Variants in APCDD1L observed in about 807,000 individuals in gnomAD.
The protein encoded by APCDD1L is APC down-regulated 1 like.
APCDD1L carries 21 observed loss-of-function variants against 24.2 expected under a neutral mutation model. That is an observed-to-expected ratio of 0.87 (90% CI 0.61 to 1.25). The LOEUF (loss-of-function observed/expected upper bound fraction) is 1.25, where lower values mean the gene tolerates loss of function less well. Ranked by LOEUF, APCDD1L falls within the 50% of genes most tolerant of loss-of-function variation. The probability of loss-of-function intolerance (pLI) is 0.00; values close to 1 mark genes in which losing one functional copy is unlikely to be tolerated. For missense variants in APCDD1L, 704 were observed against 711.7 expected (o/e 0.99, Z 0.12); for synonymous variants, 321 against 323.6 (o/e 0.99, Z 0.09).
At chr20:58,504,713 C>A (rs1990501565) in intron 1 of APCDD1L, among the ~76,000 whole-genome samples, 2 of 152,180 alleles carry the variant, frequency 1.3e-5, no homozygotes, top group Non-Finnish European at 1.5e-5. Flanking sequence ...TGGCAAGCAC[C>A]TCTCCTCACA....
chr20:58,503,267 T>A (rs755521478), intron 1 of APCDD1L, among the ~76,000 whole-genome samples: 3 of 152,210 alleles, frequency 2.0e-5, no homozygotes, highest in African/African-American at 7.2e-5. Flanking sequence ...CAAATCCAAA[T>A]GCTGATCATC....
At position 58,465,121 on chromosome 20, in the gene APCDD1L, T is replaced by C. The variant is rs1989683179; in HGVS notation, c.741+1985A>G. 1.3e-5 allele frequency among the ~76,000 whole-genome samples: 2 copies of C among 152,106 alleles called. 1 individual carries two copies. The highest frequency in any genetic ancestry group is 1.3e-4 in the Admixed American group (2 of 15,280). On this transcript the variant is annotated intron_variant, in intron 3 of 3. Coordinates refer to ENST00000371149, the MANE Select transcript of APCDD1L (RefSeq NM_153360.3). ...TGTCCTCTCTGCATTCAGAGCAGTT[T>C]CCCCTCCTAATGAGGTGGTGGTGGC...
intron 3 of APCDD1L, among the ~76,000 whole-genome samples, chr20:58,464,760 G>A (rs912885496): frequency 3.3e-5 from 5 of 152,094 alleles, no homozygotes; most frequent in African/African-American, 1.2e-4. Flanking sequence ...TGGGCAAGGC[G>A]TGGGCCCCAG....
At chr20:58,468,440 G>A (rs1245195729) in intron 2 of APCDD1L, among the ~76,000 whole-genome samples, 1 of 152,162 alleles carries the variant, frequency 6.6e-6, no homozygotes, top group Non-Finnish European at 1.5e-5. Flanking sequence ...TGGGGATGGG[G>A]CAGAGGAGGC....
chr20:58,467,663 AG>A lies in APCDD1L; in HGVS notation c.189-6del. The stretch of plus-strand genomic sequence containing the variant: ...GGTCCTGGGCGCACCTCGCAGCTGC[AG>A]GGGTGGAAGGAGATGGGCTGGGTGC... On this transcript the variant is annotated splice_region_variant and splice_polypyrimidine_tract_variant and intron_variant, in intron 2 of 3. Transcript: ENST00000371149. This position sits in a 1 kb window ranked among gnomAD's most constrained non-coding sequence, Gnocchi z 5.9. 6.7e-7 allele frequency: 1 copy of A among 1,484,550 alleles called. No individual in the cohort carries two copies. Among genetic ancestry groups the A allele is most frequent in the Non-Finnish European group, 9.0e-7 (1 of 1,113,976 alleles). The allele number at this position is 1,484,550 out of a possible 1,614,324, so 92.0% of individuals were successfully genotyped here.
chr20:58,511,229 T>A (rs1990620786), intron 1 of APCDD1L, among the ~76,000 whole-genome samples: 1 of 152,182 alleles, frequency 6.6e-6, no homozygotes, highest in Non-Finnish European at 1.5e-5. Flanking sequence ...CAAAACCACC[T>A]TCCGTGCCAA....
intron 1 of APCDD1L, among the ~76,000 whole-genome samples, chr20:58,487,027 A>G (rs1367999721): frequency 6.6e-6 from 1 of 152,018 alleles, no homozygotes; most frequent in East Asian, 1.9e-4. Context: ...ACGCCTGGCT[A>G]ATTTTTGTAT....
At chr20:58,502,336 A>G (rs964580564) in intron 1 of APCDD1L, among the ~76,000 whole-genome samples, 1 of 152,146 alleles carries the variant, frequency 6.6e-6, no homozygotes, top group African/African-American at 2.4e-5. Flanking sequence ...CCTGACCTCA[A>G]GTGATCCACC....
chr20:58,469,108 T>C (rs1239149113), intron 2 of APCDD1L, among the ~76,000 whole-genome samples: 2 of 152,208 alleles, frequency 1.3e-5, no homozygotes, highest in Admixed American at 6.5e-5. Flanking sequence ...AATTTAATTT[T>C]ACAGTTACCT....
chr20:58,495,151 T>C (rs534465696), intron 1 of APCDD1L, among the ~76,000 whole-genome samples: 2 of 152,304 alleles, frequency 1.3e-5, no homozygotes, highest in Admixed American at 1.3e-4. Context: ...CTCCCTCAAC[T>C]TGTCGTCTGC....
At chr20:58,463,185 C>T in intron 3 of APCDD1L, among the ~76,000 whole-genome samples, 1 of 151,484 alleles carries the variant, frequency 6.6e-6, no homozygotes, top group Admixed American at 6.6e-5. Context: ...TTTGGAAGCC[C>T]ATTGCTTAAG....
intron 1 of APCDD1L, among the ~76,000 whole-genome samples, chr20:58,473,142 A>G (rs994004271): frequency 6.6e-6 from 1 of 152,318 alleles, no homozygotes; most frequent in East Asian, 1.9e-4. Context: ...GTTTCAGAGT[A>G]AAATAGTGAA....
In APCDD1L at chr20:58,470,611, T is replaced by C. The variant is rs1980576; in HGVS notation, c.186A>G (p.Thr62=). Residue 62 remains threonine, a splice_region_variant and synonymous_variant, in exon 2 of 4, where the codon ACA becomes ACG. Transcript: ENST00000371149. ...PPRLNGPWIS[T]GCEVRPGPEF... is the part of the protein sequence containing the mutation. ...GTCAGGATGACCTGAAGTCTTACCC[T>C]GTGGAGATCCAAGGTCCATTAAGGC... The C allele has an allele frequency of 0.39, 610,729 of 1,586,074 alleles. 121,005 individuals are homozygous for C. The highest frequency in any genetic ancestry group is 0.57 in the African/African-American group (42,763 of 74,808).
chr20:58,495,072 T>A (rs1015602421), intron 1 of APCDD1L, among the ~76,000 whole-genome samples: 2 of 152,168 alleles, frequency 1.3e-5, no homozygotes, highest in African/African-American at 4.8e-5. Flanking sequence ...TGGCCCCAAC[T>A]GGTGCAGATT....
chr20:58,486,233 A>G (rs1378162507), intron 1 of APCDD1L, among the ~76,000 whole-genome samples: 4 of 152,244 alleles, frequency 2.6e-5, no homozygotes, highest in Non-Finnish European at 5.9e-5. Context: ...TTAAAAATTG[A>G]GCAAACAGCA....
At position 58,515,022 on chromosome 20, in the gene APCDD1L, C is replaced by A. The variant is rs1156457307; in HGVS notation, c.-315G>T. On this transcript the variant is annotated 5_prime_UTR_variant, in exon 1 of 4. Coordinates refer to ENST00000371149, the MANE Select transcript of APCDD1L (RefSeq NM_153360.3). ...TCCTGCCATTCAGACCCCCAGCCCT[C>A]CCCCAGATGTCCGTCCCCTGGCCGT... The A allele has an allele frequency of 7.0e-6, 2 of 285,520 alleles. No homozygotes were observed. The highest frequency in any genetic ancestry group is 6.5e-6 in the Non-Finnish European group (1 of 154,704). The allele number at this position is 285,520 out of a possible 1,614,324, so 17.7% of individuals were successfully genotyped here. A position where few individuals can be genotyped will look rare whatever the true frequency, so the allele number is the denominator to read the frequency against.
chr20:58,506,698 T>G (rs939115817), intron 1 of APCDD1L, among the ~76,000 whole-genome samples: 10 of 152,164 alleles, frequency 6.6e-5, no homozygotes, highest in Non-Finnish European at 1.5e-4. Context: ...CAGATTAACA[T>G]TTAATTGGGG....
chr20:58,461,452 C>G lies in APCDD1L; in HGVS notation c.844G>C (p.Gly282Arg). The change falls in exon 4 of 4, where the codon GGC becomes CGC. Residue 282 changes from glycine (G) to arginine (R), a missense_variant. Coordinates refer to ENST00000371149, the MANE Select transcript of APCDD1L (RefSeq NM_153360.3). This position sits in a 1 kb window ranked among gnomAD's most constrained non-coding sequence, Gnocchi z 6.0. ...TCGCACCCCGAGCTGACCCACCAGC[C>G]GCCCAGGTGCAGGGGCAGGGCCAGA... The part of the protein sequence containing the change: ...PPLALPLHLG[G>R]WWVSSGCEVR... The G allele has an allele frequency of 1.3e-6, 2 of 1,500,578 alleles. No homozygotes were observed. Among genetic ancestry groups the G allele is most frequent in the South Asian group, 2.7e-5 (2 of 75,334 alleles). 93.0% of individuals were successfully genotyped at this position (1,500,578 alleles called of 1,614,324 possible).
chr20:58,463,357 C>T (rs1989648318), intron 3 of APCDD1L, among the ~76,000 whole-genome samples: 1 of 152,040 alleles, frequency 6.6e-6, no homozygotes, highest in African/African-American at 2.4e-5. Flanking sequence ...CTGTCTTTGC[C>T]CTTATTTACA....
Sources: gnomAD v4.1 joint callset for allele counts (sites outside exome capture counted in the v4.1 genomes callset) on GRCh38, gnomAD v4.1.1 for gene constraint, Gnocchi (gnomAD v3.1) non-coding constraint, MANE v1.5 for transcripts, NCBI Gene and HGNC (gene_info 2026-07-23, HGNC 2026-07-21) for gene names.